Variants in BANP observed in about 807,000 individuals in gnomAD.
BANP encodes protein BANP.
A neutral mutation model predicts 68.1 loss-of-function variants in BANP; 11 were observed. The observed-to-expected ratio is 0.16, with a 90% confidence interval of 0.10 to 0.27. The LOEUF (loss-of-function observed/expected upper bound fraction) is 0.27. Among genes scored for constraint, BANP ranks in the 10% least tolerant of loss-of-function variants. The pLI, the probability that BANP is intolerant of heterozygous loss-of-function variation, is 1.00. For synonymous variants in BANP, 329 were observed against 303.2 expected (o/e 1.09, Z -0.88); for missense variants, 504 against 722.7 (o/e 0.70, Z 3.47).
Position 88,035,406 on chromosome 16 carries a change from C to T in BANP, c.1272+12C>T, listed in dbSNP as rs377177422. 8.1e-6 allele frequency: 13 copies of T among 1,600,180 alleles called. No homozygotes were observed. In the South Asian group the frequency reaches 1.1e-4, roughly 14 times the overall value. On this transcript the variant is annotated intron_variant, in intron 10 of 13. Transcript: ENST00000682872. ...CGCAGGACAGCGAGGTGAGTCAGCT[C>T]TCGCTGCAGCACTGTCCCTGCAGGC...
intron 6 of BANP, among the ~76,000 whole-genome samples, chr16:88,007,251 C>T (rs2071494831): frequency 6.6e-6 from 1 of 152,180 alleles, no homozygotes; most frequent in Non-Finnish European, 1.5e-5. Context: ...TTTCATGTCT[C>T]TTGGATCAGT....
At chr16:87,994,955 T>C (rs1163243358) in intron 4 of BANP, among the ~76,000 whole-genome samples, 1 of 152,166 alleles carries the variant, frequency 6.6e-6, no homozygotes, top group Non-Finnish European at 1.5e-5. Context: ...CAGGGTGCAG[T>C]GTGGGCGATT....
intron 8 of BANP, among the ~76,000 whole-genome samples, chr16:88,029,267 A>G (rs1258466290): frequency 7.3e-6 from 1 of 136,412 alleles, no homozygotes; most frequent in Non-Finnish European, 1.5e-5. Flanking sequence ...AGACTATGCC[A>G]CCACACTGTA....
At position 87,973,363 on chromosome 16, in the gene BANP, G is replaced by A. The variant is rs528420428; in HGVS notation, c.-68-1685G>A. 7.5e-4 allele frequency among the ~76,000 whole-genome samples: 114 copies of A among 151,988 alleles called. 1 individual carries two copies. Among genetic ancestry groups the A allele is most frequent in the African/African-American group, 2.6e-3 (109 of 41,406 alleles). ...AAACACCTTTGCTATTTTATTGATCGTATATTTGATCACACATTTATGAAA... is the reference window on the plus strand; with the variant it reads ...AAACACCTTTGCTATTTTATTGATCATATATTTGATCACACATTTATGAAA... On this transcript the variant is annotated intron_variant, in intron 1 of 13. Coordinates refer to ENST00000682872, the MANE Select transcript of BANP (RefSeq NM_001386991.1).
At chr16:88,065,130 G>A (rs868242731) in intron 11 of BANP, 137 bp from the exon 12 acceptor site, 8 of 531,416 alleles carry the variant, frequency 1.5e-5, no homozygotes, top group African/African-American at 9.7e-5. Flanking sequence ...TCCTGTGGCT[G>A]CCATAACAAA....
intron 11 of BANP, among the ~76,000 whole-genome samples, chr16:88,056,296 G>T (rs1185210303): frequency 6.6e-6 from 1 of 152,242 alleles, no homozygotes; most frequent in Admixed American, 6.5e-5. Context: ...AGGCTTGAGT[G>T]ATGACTAGTC....
intron 11 of BANP, among the ~76,000 whole-genome samples, chr16:88,048,579 A>T (rs1684598151): frequency 6.6e-6 from 1 of 152,100 alleles, no homozygotes; most frequent in Non-Finnish European, 1.5e-5. Context: ...AGATTAAAGA[A>T]AGGGCATCGA....
chr16:87,994,908 T>G (rs1381122960), intron 4 of BANP, among the ~76,000 whole-genome samples: 1 of 152,216 alleles, frequency 6.6e-6, no homozygotes, highest in Non-Finnish European at 1.5e-5. Flanking sequence ...CCTGGACTTG[T>G]GATTAGCATG....
At chr16:87,989,788 G>A (rs1203092567) in intron 4 of BANP, among the ~76,000 whole-genome samples, 1 of 121,336 alleles carries the variant, frequency 8.2e-6, no homozygotes, top group Non-Finnish European at 1.7e-5. Flanking sequence ...ATGCAGGCCC[G>A]CGTGGCTGCG....
upstream of BANP, among the ~76,000 whole-genome samples, chr16:87,949,927 G>C (rs1296726288): frequency 2.0e-5 from 3 of 151,060 alleles, no homozygotes; most frequent in Non-Finnish European, 4.4e-5. Context: ...GCCCAGGCTG[G>C]AGTCCAGTGG....
At chr16:87,988,785 C>A (rs1169836576) in intron 4 of BANP, among the ~76,000 whole-genome samples, 1 of 152,166 alleles carries the variant, frequency 6.6e-6, no homozygotes, top group African/African-American at 2.4e-5. Context: ...GAAGCTGCCC[C>A]CTGCGGTATC....
intron 1 of BANP, among the ~76,000 whole-genome samples, chr16:87,953,936 C>T (rs977835074): frequency 2.0e-5 from 3 of 152,222 alleles, no homozygotes; most frequent in Non-Finnish European, 4.4e-5. Context: ...GGAGACCCCT[C>T]TCCCTCCCTG....
intron 3 of BANP, among the ~76,000 whole-genome samples, chr16:87,983,737 A>T (rs1034400547): frequency 6.6e-6 from 1 of 152,058 alleles, no homozygotes; most frequent in East Asian, 1.9e-4. Context: ...GACTAGTTTT[A>T]TGTGTAAATT....
intron 11 of BANP, among the ~76,000 whole-genome samples, chr16:88,044,073 C>T (rs1049417740): frequency 6.6e-5 from 10 of 152,208 alleles, no homozygotes; most frequent in African/African-American, 2.2e-4. Context: ...TGGTCATACC[C>T]GCATCTTGGT....
intron 4 of BANP, among the ~76,000 whole-genome samples, chr16:87,985,299 T>A (rs1402066083): frequency 6.6e-6 from 1 of 152,174 alleles, no homozygotes; most frequent in Non-Finnish European, 1.5e-5. Flanking sequence ...CCGCTGCTGG[T>A]GGTGGAGTTG....
At chr16:87,958,935 T>C (rs2058606856) in intron 1 of BANP, among the ~76,000 whole-genome samples, 1 of 152,148 alleles carries the variant, frequency 6.6e-6, no homozygotes. Flanking sequence ...TTTGCAGACA[T>C]AGAGAATTCT....
intron 9 of BANP, 102 bp from the exon 10 acceptor site, chr16:88,035,221 A>C: frequency 1.8e-6 from 2 of 1,105,460 alleles, no homozygotes; most frequent in South Asian, 1.4e-5. Context: ...ATCTTTTTGA[A>C]TTGTAAACAG....
At chr16:87,999,338 A>G (rs541129875) in intron 4 of BANP, among the ~76,000 whole-genome samples, 86 of 69,188 alleles carry the variant, frequency 1.2e-3, no homozygotes, top group Admixed American at 2.4e-3. Context: ...ATGCACGCAC[A>G]TGCGCGGCTG....
At chr16:88,060,371 C>A (rs2086392878) in intron 11 of BANP, among the ~76,000 whole-genome samples, 1 of 152,208 alleles carries the variant, frequency 6.6e-6, no homozygotes, top group African/African-American at 2.4e-5. Flanking sequence ...CTGGCCCACC[C>A]TCTGTTTAAA....
Sources: gnomAD v4.1 joint callset for allele counts (sites outside exome capture counted in the v4.1 genomes callset) on GRCh38, gnomAD v4.1.1 for gene constraint, MANE v1.5 for transcripts, NCBI Gene and HGNC (gene_info 2026-07-23, HGNC 2026-07-21) for gene names.